Variants in UBOX5 observed in about 807,000 individuals in gnomAD.
UBOX5 encodes RING finger protein 37.
Under a neutral mutation model 39.0 loss-of-function variants are expected in UBOX5, and 28 were observed. The ratio of observed to expected loss-of-function variants is 0.72; its 90% CI spans 0.53 to 0.98. The LOEUF (loss-of-function observed/expected upper bound fraction) is 0.98. Among genes scored for constraint, UBOX5 ranks in the 50% least tolerant of loss-of-function variants. UBOX5 has a pLI of 0.00. For missense variants in UBOX5, 585 were observed against 674.4 expected (o/e 0.87, Z 1.47); for synonymous variants, 283 against 275.5 (o/e 1.03, Z -0.27).
At chr20:3,132,632 A>G (rs1165263061) in intron 1 of UBOX5, among the ~76,000 whole-genome samples, 2 of 151,986 alleles carry the variant, frequency 1.3e-5, no homozygotes, top group Non-Finnish European at 2.9e-5. Context: ...CAGTCTGGCT[A>G]ACATGGCGAA....
At position 3,108,357 on chromosome 20, in the gene UBOX5, C is replaced by T. The variant is rs1206413005; in HGVS notation, c.*1749G>A. ...TCTTGACCTCAAGTGATCCACCCAC[C>T]TTGGCCTCCCAAAGTGCTGGGATAA... On this transcript the variant is annotated 3_prime_UTR_variant, in exon 5 of 5. Transcript: ENST00000217173. 2 of 152,306 alleles carry T rather than the reference C, an allele frequency of 1.3e-5. No individual in the cohort carries two copies. The highest frequency in any genetic ancestry group is 2.9e-5 in the Non-Finnish European group (2 of 68,154). 9.4% of individuals were successfully genotyped at this position (152,306 alleles called of 1,614,324 possible). A position where few individuals can be genotyped will look rare whatever the true frequency, so the allele number is the denominator to read the frequency against.
chr20:3,142,059 G>A (rs1180034387), intron 1 of UBOX5, among the ~76,000 whole-genome samples: 2 of 148,750 alleles, frequency 1.3e-5, no homozygotes, highest in Non-Finnish European at 3.0e-5. Flanking sequence ...TTGGAAGGCT[G>A]AGGCAAAAGG....
intron 3 of UBOX5, chr20:3,116,718 A>G (rs908109562): frequency 3.3e-5 from 5 of 152,236 alleles, no homozygotes; most frequent in African/African-American, 4.8e-5. Flanking sequence ...AACGTTAAGC[A>G]TAGTATTTGC....
intron 1 of UBOX5, among the ~76,000 whole-genome samples, chr20:3,158,871 C>T (rs560223293): frequency 8.7e-4 from 132 of 152,356 alleles, no homozygotes; most frequent in Non-Finnish European, 1.6e-3. Flanking sequence ...TCTGGAAAGG[C>T]AGCCATTCTT....
chr20:3,115,481 G>A lies in UBOX5; in HGVS notation c.1256-15C>T, dbSNP rs982728606. The stretch of plus-strand genomic sequence containing the variant: ...GGACAGTGGACCTGTCGAGAGATGC[G>A]CACAGCACAACATCCAGAGACAGGC... On this transcript the variant is annotated splice_polypyrimidine_tract_variant and intron_variant, in intron 3 of 4. Coordinates refer to ENST00000217173, the MANE Select transcript of UBOX5 (RefSeq NM_014948.4). 10 of 1,603,558 alleles carry A rather than the reference G, an allele frequency of 6.2e-6. No homozygotes were observed. In the Admixed American group the frequency reaches 8.6e-5, roughly 14 times the overall value.
At position 3,115,315 on chromosome 20, in the gene UBOX5, G is replaced by A. The variant is rs1158031799; in HGVS notation, c.1407C>T (p.Gly469=). The stretch of plus-strand genomic sequence containing the variant: ...CGGGGCCCATGTTACCCGAGCCGGT[G>A]CCAGGCCTCCAGGAAGTGTTGCTCC... ...TRGSNTSWRP[G]TGSEQPGSIL... Residue 469 remains glycine (G), a synonymous_variant, in exon 4 of 5, where the codon GGC becomes GGT. Coordinates refer to ENST00000217173, the MANE Select transcript of UBOX5 (RefSeq NM_014948.4). 1 of 1,611,494 alleles carries A rather than the reference G, an allele frequency of 6.2e-7. No individual in the cohort carries two copies. Among genetic ancestry groups the A allele is most frequent in the Non-Finnish European group, 8.5e-7 (1 of 1,178,874 alleles).
chr20:3,147,477 G>A (rs200293310), intron 1 of UBOX5: 12 of 1,614,144 alleles, frequency 7.4e-6, no homozygotes, highest in Middle Eastern at 3.3e-4. Flanking sequence ...GTACTAAGAC[G>A]ATTGCCTCTG....
intron 1 of UBOX5, 53 bp from the exon 2 acceptor site, chr20:3,123,459 C>T (rs2066353467): frequency 2.3e-6 from 3 of 1,332,860 alleles, no homozygotes; most frequent in Non-Finnish European, 2.1e-6. Context: ...CAATTCTAAA[C>T]TTTCAGAAGT....
At chr20:3,117,529 G>A (rs566653549) in intron 3 of UBOX5, among the ~76,000 whole-genome samples, 73 of 151,986 alleles carry the variant, frequency 4.8e-4, no homozygotes, top group African/African-American at 1.8e-3. Context: ...AATAAAATAC[G>A]AAAAATTAGC....
At chr20:3,133,147 G>A (rs1041873537) in intron 1 of UBOX5, among the ~76,000 whole-genome samples, 4 of 152,130 alleles carry the variant, frequency 2.6e-5, no homozygotes, top group African/African-American at 9.7e-5. Flanking sequence ...AAACAGTGAT[G>A]TCCAAACAGT....
chr20:3,118,036 G>T (rs2066306741), intron 3 of UBOX5, among the ~76,000 whole-genome samples: 1 of 152,052 alleles, frequency 6.6e-6, no homozygotes, highest in South Asian at 2.1e-4. Context: ...GTATGGTGCT[G>T]TGCGCCTGTA....
At chr20:3,143,164 G>T (rs1240722696) in intron 1 of UBOX5, among the ~76,000 whole-genome samples, 1 of 138,266 alleles carries the variant, frequency 7.2e-6, no homozygotes, top group Non-Finnish European at 1.5e-5. Context: ...CTGGAGTACA[G>T]TGGCATGATC....
chr20:3,146,164 A>C (rs1245670120), intron 1 of UBOX5, among the ~76,000 whole-genome samples: 2 of 152,036 alleles, frequency 1.3e-5, no homozygotes, highest in Non-Finnish European at 2.9e-5. Flanking sequence ...AACATGGAGA[A>C]ACCCCGTTTC....
rs1253169924 is a variant in UBOX5, at chr20:3,149,852, T to C, written c.-42+9914A>G. On this transcript the variant is annotated intron_variant, in intron 1 of 4. Transcript: ENST00000217173. The surrounding 1 kb of genome is among the most constrained non-coding windows in gnomAD (Gnocchi z 4.1). The stretch of plus-strand genomic sequence containing the variant: ...GGCCAACAAGGCGAAATCCCGTCTC[T>C]ATTAAAAATACAAAAAATTACCCAG... 6.6e-6 allele frequency among the ~76,000 whole-genome samples: 1 copy of C among 152,060 alleles called. No individual in the cohort carries two copies. Among genetic ancestry groups the C allele is most frequent in the African/African-American group, 2.4e-5 (1 of 41,408 alleles).
At chr20:3,141,424 G>A (rs886731177) in intron 1 of UBOX5, among the ~76,000 whole-genome samples, 2 of 151,596 alleles carry the variant, frequency 1.3e-5, no homozygotes, top group Non-Finnish European at 2.9e-5. Context: ...GAGGCAGGTG[G>A]ATTACCTGAG....
chr20:3,110,275 C>T lies in UBOX5; in HGVS notation c.1457G>A (p.Cys486Tyr). ...GSILGPECAS[C>Y]KRVFSPYFKK... is the part of the protein sequence containing the mutation. ...GAAGTAGGGAGAAAATACTCTTTTGCAGGAGGCACATTCGGGGCCCAGGAT... is the reference window on the plus strand; with the variant it reads ...GAAGTAGGGAGAAAATACTCTTTTGTAGGAGGCACATTCGGGGCCCAGGAT... The change falls in exon 5 of 5, where the codon TGC becomes TAC. Residue 486 changes from cysteine (C) to tyrosine (Y), a missense_variant. Transcript: ENST00000217173. The T allele has an allele frequency of 6.2e-7, 1 of 1,614,150 alleles. No homozygotes were observed. The highest frequency in any genetic ancestry group is 8.5e-7 in the Non-Finnish European group (1 of 1,180,024).
intron 1 of UBOX5, among the ~76,000 whole-genome samples, chr20:3,128,774 G>T (rs868567156): frequency 1.3e-5 from 2 of 152,138 alleles, no homozygotes; most frequent in Non-Finnish European, 2.9e-5. Flanking sequence ...GAGGCAAGAG[G>T]ATCACTTGAA....
intron 1 of UBOX5, among the ~76,000 whole-genome samples, chr20:3,130,283 T>TG (rs1218567865): frequency 1.4e-5 from 2 of 147,664 alleles, no homozygotes; most frequent in Non-Finnish European, 1.5e-5. Flanking sequence ...ACAAAGAGGG[T>TG]GGGGGGCATA....
intron 1 of UBOX5, among the ~76,000 whole-genome samples, chr20:3,131,996 A>T (rs1341509531): frequency 8.8e-6 from 1 of 113,380 alleles, no homozygotes; most frequent in East Asian, 2.7e-4. Context: ...CAATAGAGTG[A>T]GACACTGTCT....
Sources: allele counts gnomAD v4.1 joint callset (sites outside exome capture counted in the v4.1 genomes callset), GRCh38; gene constraint gnomAD v4.1.1; non-coding constraint Gnocchi (gnomAD v3.1); transcripts MANE v1.5; gene names NCBI Gene and HGNC (gene_info 2026-07-23, HGNC 2026-07-21).